The following RBFOX1 variants were observed in gnomAD, a reference collection of about 807,000 sequenced individuals.
The protein encoded by RBFOX1 is RNA binding fox-1 homolog 1, also known as RNA binding protein fox-1 homolog 1.
In RBFOX1, 8 loss-of-function variants were observed where a neutral mutation model predicts 57.7. The observed-to-expected ratio is 0.14, with a 90% confidence interval of 0.08 to 0.25. The LOEUF is 0.25. Among genes scored for constraint, RBFOX1 ranks in the 10% least tolerant of loss-of-function variants. The pLI is 1.00. For missense variants in RBFOX1, 611 were observed against 548.5 expected (o/e 1.11, Z -1.14); for synonymous variants, 326 against 222.4 (o/e 1.47, Z -4.15).
At chr16:6,589,135 T>A (rs2097673963) in intron 2 of RBFOX1, among the ~76,000 whole-genome samples, 1 of 152,162 alleles carries the variant, frequency 6.6e-6, no homozygotes, top group South Asian at 2.1e-4. Flanking sequence ...CTGTACCCAC[T>A]TTAGTAGAAC....
chr16:5,818,704 G>C (rs1597372972), intron 3 of RBFOX1, among the ~76,000 whole-genome samples: 1 of 152,170 alleles, frequency 6.6e-6, no homozygotes, highest in Non-Finnish European at 1.5e-5. Context: ...ACCGTAGAGG[G>C]GACAACAAAG....
intron 3 of RBFOX1, among the ~76,000 whole-genome samples, chr16:6,682,246 C>G (rs897013484): frequency 1.4e-4 from 22 of 152,074 alleles, no homozygotes; most frequent in Admixed American, 1.2e-3. Flanking sequence ...CTTTCAGCTC[C>G]CACTCTCAGA....
chr16:7,363,759 T>C (rs2097376960), intron 4 of RBFOX1, among the ~76,000 whole-genome samples: 1 of 152,160 alleles, frequency 6.6e-6, no homozygotes, highest in South Asian at 2.1e-4. Context: ...GATTCTTCTA[T>C]AGACGTTTGA....
In RBFOX1 at chr16:7,366,234, T is replaced by G. The variant is rs532986480; in HGVS notation, c.28-151913T>G. Among the ~76,000 whole-genome samples the G allele has an allele frequency of 1.1e-3, 174 of 152,364 alleles. 4 individuals are homozygous for G. The South Asian group carries it at 0.034, about 30-fold the overall frequency. ...TGTCTGCTGCCATTGCATGTTCTCT[T>G]ATTGCCAGGACATTTGTAAATCCGA... On this transcript the variant is annotated intron_variant, in intron 4 of 15. Transcript: ENST00000550418.
chr16:5,245,514 C>G (rs1362146344), intron 1 of RBFOX1, among the ~76,000 whole-genome samples: 1 of 152,168 alleles, frequency 6.6e-6, no homozygotes, highest in Non-Finnish European at 1.5e-5. Flanking sequence ...GGGTTTTGCT[C>G]TAAGCCTGGG....
At chr16:5,888,570 C>T (rs181010201) in intron 4 of RBFOX1, among the ~76,000 whole-genome samples, 6 of 151,802 alleles carry the variant, frequency 4.0e-5, no homozygotes, top group Admixed American at 1.3e-4. Context: ...CTGAGTTGGG[C>T]AGATAATCTG....
At chr16:7,323,634 T>G (rs1269966500) in intron 4 of RBFOX1, among the ~76,000 whole-genome samples, 1 of 152,216 alleles carries the variant, frequency 6.6e-6, no homozygotes, top group Non-Finnish European at 1.5e-5. Context: ...ATGGTCTCAG[T>G]GTTCTTGTTA....
At chr16:5,649,044 A>G (rs981502669) in intron 3 of RBFOX1, among the ~76,000 whole-genome samples, 21 of 152,080 alleles carry the variant, frequency 1.4e-4, no homozygotes, top group Admixed American at 7.2e-4. Flanking sequence ...AGCCTGAGAG[A>G]CAGAATGAGA....
At chr16:6,821,544 C>G (rs555162455) in intron 3 of RBFOX1, among the ~76,000 whole-genome samples, 5 of 152,250 alleles carry the variant, frequency 3.3e-5, no homozygotes, top group Admixed American at 2.0e-4. Context: ...TAATCAGATG[C>G]TTTTCATTTC....
At chr16:7,108,805 G>C (rs1430448638) in intron 4 of RBFOX1, among the ~76,000 whole-genome samples, 1 of 152,180 alleles carries the variant, frequency 6.6e-6, no homozygotes, top group Non-Finnish European at 1.5e-5. Flanking sequence ...ATGAAGGCTT[G>C]TTTGTTGTAC....
At chr16:6,724,628 C>T (rs894576070) in intron 3 of RBFOX1, among the ~76,000 whole-genome samples, 1 of 152,152 alleles carries the variant, frequency 6.6e-6, no homozygotes, top group Admixed American at 6.5e-5. Flanking sequence ...TTAGAAGCCA[C>T]CCAGTCTGTG....
chr16:5,382,736 A>G (rs1002861190), intron 1 of RBFOX1, among the ~76,000 whole-genome samples: 6 of 152,196 alleles, frequency 3.9e-5, no homozygotes, highest in African/African-American at 7.2e-5. Flanking sequence ...GGTTTTCGGT[A>G]TCTTTTTATG....
At chr16:5,898,824 C>G (rs1266826489) in intron 4 of RBFOX1, among the ~76,000 whole-genome samples, 2 of 151,228 alleles carry the variant, frequency 1.3e-5, no homozygotes, top group Admixed American at 1.3e-4. Context: ...CTTTGTGGGG[C>G]TGAGAAGGGA....
At chr16:7,218,573 T>G (rs2092443869) in intron 4 of RBFOX1, among the ~76,000 whole-genome samples, 1 of 151,782 alleles carries the variant, frequency 6.6e-6, no homozygotes, top group South Asian at 2.1e-4. Context: ...AAAGTTTTTT[T>G]GAGTGATTTT....
intron 4 of RBFOX1, among the ~76,000 whole-genome samples, chr16:7,433,458 G>C (rs1478240248): frequency 1.3e-5 from 2 of 152,236 alleles, no homozygotes; most frequent in African/African-American, 4.8e-5. Flanking sequence ...TCCATGTAGA[G>C]CAGATACAAA....
chr16:5,243,650 A>T (rs1011410387), intron 1 of RBFOX1, among the ~76,000 whole-genome samples: 11 of 152,172 alleles, frequency 7.2e-5, no homozygotes, highest in Non-Finnish European at 1.5e-4. Context: ...GTACATGAGC[A>T]AAACCACCCC....
At chr16:7,257,319 C>T (rs1482089727) in intron 4 of RBFOX1, among the ~76,000 whole-genome samples, 1 of 152,124 alleles carries the variant, frequency 6.6e-6, no homozygotes, top group Non-Finnish European at 1.5e-5. Context: ...TGTGTATTTC[C>T]CACCACCCAA....
chr16:6,835,932 G>C (rs2093063920), intron 3 of RBFOX1, among the ~76,000 whole-genome samples: 1 of 152,064 alleles, frequency 6.6e-6, no homozygotes, highest in African/African-American at 2.4e-5. Flanking sequence ...AGCCTAAAAT[G>C]ATAAAGAGCA....
At chr16:6,398,520 C>T (rs939363653) in intron 2 of RBFOX1, among the ~76,000 whole-genome samples, 1 of 152,070 alleles carries the variant, frequency 6.6e-6, no homozygotes, top group African/African-American at 2.4e-5. Context: ...CGGATAAATA[C>T]ACTCATTCCA....
Sources: allele counts gnomAD v4.1 joint callset (sites outside exome capture counted in the v4.1 genomes callset), GRCh38; gene constraint gnomAD v4.1.1; transcripts MANE v1.5; gene names NCBI Gene and HGNC (gene_info 2026-07-23, HGNC 2026-07-21).